The following PDE4D variants were observed in gnomAD, a reference collection of about 807,000 sequenced individuals.
The protein encoded by PDE4D is 3',5'-cyclic-AMP phosphodiesterase 4D.
Under a neutral mutation model 87.4 loss-of-function variants are expected in PDE4D, and 24 were observed. That is an observed-to-expected ratio of 0.27 (90% CI 0.20 to 0.39). The LOEUF is 0.39. PDE4D is among the 10% of genes least tolerant of loss of function. PDE4D has a pLI of 1.00. For missense variants in PDE4D, 714 were observed against 1,041.0 expected, an observed-to-expected ratio of 0.69 and a Z score of 4.32; for synonymous variants, 384 against 383.2, an observed-to-expected ratio of 1.00 and a Z score of -0.02.
intron 2 of PDE4D, among the ~76,000 whole-genome samples, chr5:59,213,263 C>A (rs1750485097): frequency 1.3e-5 from 2 of 151,884 alleles, no homozygotes; most frequent in South Asian, 4.2e-4. Context: ...CTCCCAGGCT[C>A]AACCAATCCT....
chr5:60,387,001 A>G (rs1282651246), intron 1 of PDE4D, among the ~76,000 whole-genome samples: 2 of 152,186 alleles, frequency 1.3e-5, no homozygotes, highest in Non-Finnish European at 2.9e-5. Context: ...TTGCATCCTT[A>G]TAGTTTCCCA....
intron 1 of PDE4D, among the ~76,000 whole-genome samples, chr5:59,875,126 A>C (rs1378623160): frequency 6.6e-6 from 1 of 152,202 alleles, no homozygotes; most frequent in Non-Finnish European, 1.5e-5. Flanking sequence ...TATCCAAGAT[A>C]AACTGTCCTT....
At chr5:59,653,197 CA>C (rs1030161341) in intron 1 of PDE4D, among the ~76,000 whole-genome samples, 94 of 118,278 alleles carry the variant, frequency 7.9e-4, no homozygotes, top group Non-Finnish European at 1.0e-3. Context: ...ATAATGTTAG[CA>C]AAAAAAAAAA....
chr5:59,838,549 C>T (rs1742499399), intron 1 of PDE4D, among the ~76,000 whole-genome samples: 1 of 152,068 alleles, frequency 6.6e-6, no homozygotes, highest in Admixed American at 6.6e-5. Context: ...TGATTCCTCT[C>T]TCTACTTTCC....
chr5:59,682,256 T>C (rs1158046070), intron 1 of PDE4D, among the ~76,000 whole-genome samples: 2 of 152,218 alleles, frequency 1.3e-5, no homozygotes, highest in African/African-American at 4.8e-5. Context: ...AAAATGCTTT[T>C]TAATTACAAA....
intron 6 of PDE4D, among the ~76,000 whole-genome samples, chr5:59,006,335 C>T (rs569075949): frequency 1.3e-4 from 20 of 152,264 alleles, no homozygotes; most frequent in Admixed American, 1.2e-3. Flanking sequence ...GAGGCCAATG[C>T]GGGAGGATTG....
At chr5:59,649,931 T>TTTTTTTTTTTTTTTTTTTTTTTTTTTTC (rs1474090994) in intron 1 of PDE4D, among the ~76,000 whole-genome samples, 2 of 141,262 alleles carry the variant, frequency 1.4e-5, no homozygotes, top group Non-Finnish European at 1.5e-5. Flanking sequence ...TTTTTTTTTT[T>TTTTTTTTTTTTTTTTTTTTTTTTTTTTC]TAGCAATGAC....
At chr5:59,358,380 G>C (rs555137630) in intron 1 of PDE4D, among the ~76,000 whole-genome samples, 2 of 152,084 alleles carry the variant, frequency 1.3e-5, no homozygotes, top group Non-Finnish European at 2.9e-5. Flanking sequence ...TTCACAAACT[G>C]TCTTTTTGCT....
chr5:59,706,045 T>C (rs1561511107), intron 1 of PDE4D, among the ~76,000 whole-genome samples: 1 of 152,170 alleles, frequency 6.6e-6, no homozygotes, highest in South Asian at 2.1e-4. Flanking sequence ...TCTAGACTAG[T>C]ACCTTGACCA....
intron 2 of PDE4D, among the ~76,000 whole-genome samples, chr5:60,155,010 G>A (rs1582892812): frequency 6.6e-6 from 1 of 152,168 alleles, no homozygotes; most frequent in African/African-American, 2.4e-5. Context: ...GATGGGCATT[G>A]GGTACTTTCC....
intron 5 of PDE4D, among the ~76,000 whole-genome samples, chr5:59,172,070 TAA>T (rs60278827): frequency 4.1e-4 from 3 of 7,402 alleles, no homozygotes; most frequent in East Asian, 1.8e-3. Flanking sequence ...ATATATATAA[TAA>T]ATATATATTA....
At chr5:59,130,375 G>A (rs1162408073) in intron 5 of PDE4D, among the ~76,000 whole-genome samples, 2 of 152,152 alleles carry the variant, frequency 1.3e-5, no homozygotes. Context: ...AAGCCTCATT[G>A]TCCATTTGAG....
At chr5:59,427,338 C>CAT (rs1795435905) in intron 1 of PDE4D, among the ~76,000 whole-genome samples, 1 of 137,996 alleles carries the variant, frequency 7.2e-6, no homozygotes, top group African/African-American at 3.4e-5. Flanking sequence ...CACACACACA[C>CAT]GCCCCTATGC....
intron 1 of PDE4D, among the ~76,000 whole-genome samples, chr5:59,419,780 T>C (rs2153626587): frequency 1.3e-5 from 2 of 152,322 alleles, no homozygotes. Flanking sequence ...TAAACATAGA[T>C]ACATCTTTTG....
chr5:59,710,246 G>A (rs555481509), intron 1 of PDE4D, among the ~76,000 whole-genome samples: 1 of 152,264 alleles, frequency 6.6e-6, no homozygotes, highest in East Asian at 1.9e-4. Flanking sequence ...ATACATGAAA[G>A]GCCATCTCGT....
chr5:60,313,313 A>G (rs1755223543), intron 1 of PDE4D, among the ~76,000 whole-genome samples: 2 of 152,332 alleles, frequency 1.3e-5, no homozygotes, highest in African/African-American at 4.8e-5. Context: ...CTTTATGCAT[A>G]CAAACTAGAA....
At chr5:60,094,545 A>G (rs570713478) in intron 2 of PDE4D, among the ~76,000 whole-genome samples, 7 of 145,054 alleles carry the variant, frequency 4.8e-5, no homozygotes, top group Non-Finnish European at 6.0e-5. Flanking sequence ...TCAAGTTAAG[A>G]TGAAATCATT....
intron 3 of PDE4D, among the ~76,000 whole-genome samples, chr5:59,929,436 C>T (rs1450745052): frequency 1.3e-5 from 2 of 151,850 alleles, no homozygotes; most frequent in Non-Finnish European, 2.9e-5. Flanking sequence ...CATTTTGATT[C>T]AACTTTAAAA....
At chr5:59,496,416 C>T (rs776646248) in intron 1 of PDE4D, among the ~76,000 whole-genome samples, 16 of 152,136 alleles carry the variant, frequency 1.1e-4, no homozygotes, top group African/African-American at 1.7e-4. Context: ...CACCTAGGTC[C>T]GTGGGCACAG....
Sources: gnomAD v4.1 joint callset for allele counts (sites outside exome capture counted in the v4.1 genomes callset) on GRCh38, gnomAD v4.1.1 for gene constraint, MANE v1.5 for transcripts, NCBI Gene and HGNC (gene_info 2026-07-23, HGNC 2026-07-21) for gene names.